Variants in SLC35F3 observed in about 807,000 individuals in gnomAD.
SLC35F3 encodes putative thiamine transporter SLC35F3.
Under a neutral mutation model 49.9 loss-of-function variants are expected in SLC35F3, and 25 were observed. The observed-to-expected ratio is 0.50, with a 90% confidence interval of 0.37 to 0.70. The LOEUF (loss-of-function observed/expected upper bound fraction) is 0.70. Ranked by LOEUF, SLC35F3 falls within the 30% of genes least tolerant of loss-of-function variation. SLC35F3 has a pLI of 0.00. For missense variants in SLC35F3, 525 were observed against 639.8 expected (o/e 0.82, Z 1.94); for synonymous variants, 275 against 265.4 (o/e 1.04, Z -0.35).
chr1:234,262,581 G>A (rs1039286304), intron 3 of SLC35F3, among the ~76,000 whole-genome samples: 4 of 152,162 alleles, frequency 2.6e-5, no homozygotes, highest in African/African-American at 9.7e-5. Flanking sequence ...TCCCTTCCTG[G>A]TCCTCCGGAG....
At chr1:234,270,940 A>G (rs531867286) in intron 3 of SLC35F3, among the ~76,000 whole-genome samples, 2 of 152,328 alleles carry the variant, frequency 1.3e-5, no homozygotes, top group South Asian at 4.1e-4. Flanking sequence ...TGCCAATTCT[A>G]TGCATGTTGT....
intron 2 of SLC35F3, among the ~76,000 whole-genome samples, chr1:234,121,836 A>G (rs543447457): frequency 1.8e-4 from 27 of 152,288 alleles, no homozygotes; most frequent in African/African-American, 6.5e-4. Context: ...TCCTTATGAT[A>G]GTTTGCTCAG....
chr1:233,922,427 G>A (rs1481963742), intron 2 of SLC35F3, among the ~76,000 whole-genome samples: 1 of 149,558 alleles, frequency 6.7e-6, no homozygotes, highest in Non-Finnish European at 1.5e-5. Context: ...TCTTTTGGCT[G>A]CATAAATGTC....
In SLC35F3 at chr1:234,019,029, A is replaced by T. The variant is rs150132135; in HGVS notation, c.283+113271A>T. Among the ~76,000 whole-genome samples, 3 of 152,156 alleles carry T rather than the reference A, an allele frequency of 2.0e-5. No homozygotes were observed. The South Asian group carries it at 6.2e-4, about 32-fold the overall frequency. On this transcript the variant is annotated intron_variant, in intron 2 of 7. Transcript: ENST00000366618. The stretch of plus-strand genomic sequence containing the variant: ...TACCTTTGGCCAGGCACATGTCCCA[A>T]CCTGACCAGGTGGAAGCAGATTGAC...
At chr1:234,254,906 GT>G (rs991995882) in intron 3 of SLC35F3, among the ~76,000 whole-genome samples, 3 of 152,224 alleles carry the variant, frequency 2.0e-5, no homozygotes, top group African/African-American at 7.2e-5. Context: ...ACATCCAGAT[GT>G]TCACCACTGA....
At chr1:234,000,554 C>T (rs1183609460) in intron 2 of SLC35F3, among the ~76,000 whole-genome samples, 1 of 152,114 alleles carries the variant, frequency 6.6e-6, no homozygotes, top group African/African-American at 2.4e-5. Flanking sequence ...GTTTATAAAC[C>T]ATTGCTGCGT....
At chr1:234,034,660 A>G (rs1337469973) in intron 2 of SLC35F3, among the ~76,000 whole-genome samples, 1 of 152,120 alleles carries the variant, frequency 6.6e-6, no homozygotes, top group African/African-American at 2.4e-5. Flanking sequence ...AGCTGGGATT[A>G]TAGGCACGTG....
intron 2 of SLC35F3, among the ~76,000 whole-genome samples, chr1:234,110,550 A>G (rs981362807): frequency 6.6e-6 from 1 of 152,284 alleles, no homozygotes; most frequent in Non-Finnish European, 1.5e-5. Context: ...ATTGTGTTTT[A>G]AATACATATA....
intron 2 of SLC35F3, among the ~76,000 whole-genome samples, chr1:233,918,763 T>C (rs1242033935): frequency 2.2e-5 from 3 of 138,660 alleles, no homozygotes; most frequent in Non-Finnish European, 3.1e-5. Context: ...TGAGACTCCG[T>C]CTCTCTCTCT....
intron 2 of SLC35F3, among the ~76,000 whole-genome samples, chr1:234,147,214 T>G (rs1265205081): frequency 1.4e-5 from 2 of 145,832 alleles, no homozygotes; most frequent in Non-Finnish European, 3.0e-5. Flanking sequence ...ATTACATAGT[T>G]TGCCCTTTCT....
At chr1:233,996,354 T>C (rs1663460393) in intron 2 of SLC35F3, among the ~76,000 whole-genome samples, 1 of 152,164 alleles carries the variant, frequency 6.6e-6, no homozygotes, top group Non-Finnish European at 1.5e-5. Flanking sequence ...TCTACGGGAA[T>C]GGAGCATCCT....
At chr1:234,272,041 A>G (rs113656873) in intron 3 of SLC35F3, among the ~76,000 whole-genome samples, 8,717 of 152,250 alleles carry the variant, frequency 0.057, 289 homozygotes, top group African/African-American at 0.087. Flanking sequence ...CAGGAGGATC[A>G]TTTGAGCTCA....
intron 2 of SLC35F3, among the ~76,000 whole-genome samples, chr1:234,036,605 G>A (rs990693930): frequency 6.6e-6 from 1 of 152,172 alleles, no homozygotes; most frequent in Admixed American, 6.5e-5. Flanking sequence ...GTGTCCACTA[G>A]TCCAGAGATT....
intron 2 of SLC35F3, among the ~76,000 whole-genome samples, chr1:234,156,037 T>C (rs922405793): frequency 6.6e-6 from 1 of 151,844 alleles, no homozygotes; most frequent in Non-Finnish European, 1.5e-5. Flanking sequence ...ATTGGAAAAA[T>C]TATCTATAAC....
chr1:234,267,408 G>C (rs1215966927), intron 3 of SLC35F3, among the ~76,000 whole-genome samples: 10 of 143,080 alleles, frequency 7.0e-5, no homozygotes, highest in Admixed American at 1.4e-4. Flanking sequence ...CCTCCCAGAC[G>C]GGGTCGTGGC....
intron 2 of SLC35F3, among the ~76,000 whole-genome samples, chr1:234,108,622 A>C (rs1665335499): frequency 8.2e-6 from 1 of 122,554 alleles, no homozygotes; most frequent in South Asian, 2.4e-4. Context: ...TATATATAAA[A>C]GATATATATA....
chr1:234,110,247 G>A (rs1205209468), intron 2 of SLC35F3, among the ~76,000 whole-genome samples: 2 of 152,152 alleles, frequency 1.3e-5, no homozygotes, highest in African/African-American at 4.8e-5. Flanking sequence ...TGGATGCCTG[G>A]ATAAGAGTTA....
intron 2 of SLC35F3, among the ~76,000 whole-genome samples, chr1:233,955,875 TATC>T (rs1662691178): frequency 8.0e-6 from 1 of 124,920 alleles, no homozygotes. Context: ...GAGGTGTGGG[TATC>T]TTTTTTTTTT....
chr1:234,111,103 A>G (rs1665398970), intron 2 of SLC35F3, among the ~76,000 whole-genome samples: 1 of 152,204 alleles, frequency 6.6e-6, no homozygotes, highest in South Asian at 2.1e-4. Context: ...CATTTGTTTT[A>G]TAATCAGAGG....
Sources: gnomAD v4.1 joint callset for allele counts (sites outside exome capture counted in the v4.1 genomes callset) on GRCh38, gnomAD v4.1.1 for gene constraint, MANE v1.5 for transcripts, NCBI Gene and HGNC (gene_info 2026-07-23, HGNC 2026-07-21) for gene names.